CLEC2A: variants seen among roughly 807,000 people sequenced by gnomAD.
The protein encoded by CLEC2A is C-type lectin domain family 2 member A, also known as keratinocyte-associated C-type lectin.
In CLEC2A, 19 loss-of-function variants were observed where a neutral mutation model predicts 18.6. The ratio of observed to expected loss-of-function variants is 1.02; its 90% CI spans 0.71 to 1.50. The LOEUF (loss-of-function observed/expected upper bound fraction) is 1.50. Ranked by LOEUF, CLEC2A falls within the 40% of genes most tolerant of loss-of-function variation. The pLI is 0.00. For synonymous variants in CLEC2A, 74 were observed against 64.0 expected (o/e 1.16, Z -0.75); for missense variants, 190 against 207.9 (o/e 0.91, Z 0.53).
chr12:9,928,754 T>C lies in CLEC2A; in HGVS notation c.56-2411A>G, dbSNP rs552804793. On this transcript the variant is annotated intron_variant, in intron 1 of 4. Transcript: ENST00000455827. ...ATAAGCACATAAAAGATGTTCCATATTATTAGTCACAAGCAAAATGCAGAA... is the reference window on the plus strand; with the variant it reads ...ATAAGCACATAAAAGATGTTCCATACTATTAGTCACAAGCAAAATGCAGAA... 6.6e-4 allele frequency among the ~76,000 whole-genome samples: 100 copies of C among 152,306 alleles called. 1 individual carries two copies. Among genetic ancestry groups the C allele is most frequent in the African/African-American group, 2.3e-3 (94 of 41,570 alleles).
intron 4 of CLEC2A, among the ~76,000 whole-genome samples, chr12:9,915,261 A>G (rs1190766686): frequency 1.3e-5 from 2 of 152,200 alleles, no homozygotes; most frequent in Admixed American, 6.5e-5. Context: ...GTGGGAGTGT[A>G]AATTAGTTCA....
chr12:9,900,951 G>C (rs1862818173), intron 4 of CLEC2A, among the ~76,000 whole-genome samples: 1 of 152,094 alleles, frequency 6.6e-6, no homozygotes, highest in Non-Finnish European at 1.5e-5. Flanking sequence ...AACACTCACA[G>C]ATAGTTTCCA....
chr12:9,927,899 A>G (rs966463190), intron 1 of CLEC2A, among the ~76,000 whole-genome samples: 2 of 152,190 alleles, frequency 1.3e-5, no homozygotes, highest in African/African-American at 4.8e-5. Flanking sequence ...ACCACTGCAC[A>G]AATTTCAGAC....
chr12:9,885,460 C>A, the CLEC2A span, among the ~76,000 whole-genome samples: 1 of 151,724 alleles, frequency 6.6e-6, no homozygotes, highest in Non-Finnish European at 1.5e-5. Context: ...CAAAGAAATT[C>A]ATTATCTTTG....
Position 9,932,274 on chromosome 12 carries a change from C to T in CLEC2A, c.55+1G>A, listed in dbSNP as rs960941533. ...CTTCTCATTCACTCTATAAAACTTACCTATCCGATGTATGAAGCCATCAGC... is the reference window on the plus strand; with the variant it reads ...CTTCTCATTCACTCTATAAAACTTATCTATCCGATGTATGAAGCCATCAGC... On this transcript the variant is annotated splice_donor_variant, in intron 1 of 4. Coordinates refer to ENST00000455827, the MANE Select transcript of CLEC2A (RefSeq NM_001130711.2). LOFTEE classifies it high-confidence loss of function. 2 of 1,548,554 alleles carry T rather than the reference C, an allele frequency of 1.3e-6. No homozygotes were observed. The highest frequency in any genetic ancestry group is 1.7e-6 in the Non-Finnish European group (2 of 1,144,018).
chr12:9,879,561 C>G, the CLEC2A span, among the ~76,000 whole-genome samples: 1 of 152,184 alleles, frequency 6.6e-6, no homozygotes, highest in Non-Finnish European at 1.5e-5. Flanking sequence ...CTGCCTTGCC[C>G]AGGTGTATGT....
At chr12:9,917,132 C>A (rs897445026) in intron 3 of CLEC2A, among the ~76,000 whole-genome samples, 2 of 152,108 alleles carry the variant, frequency 1.3e-5, no homozygotes, top group Non-Finnish European at 2.9e-5. Flanking sequence ...TAATTTACTG[C>A]AATGAAATCT....
chr12:9,886,613 A>G, the CLEC2A span, among the ~76,000 whole-genome samples: 2 of 152,104 alleles, frequency 1.3e-5, no homozygotes, highest in African/African-American at 2.4e-5. Flanking sequence ...TACAATGCTT[A>G]TTACCAATTA....
At chr12:9,885,405 AGTG>A in the CLEC2A span, among the ~76,000 whole-genome samples, 1 of 151,796 alleles carries the variant, frequency 6.6e-6, no homozygotes, top group African/African-American at 2.4e-5. Flanking sequence ...TTCTTCCTGA[AGTG>A]GTACTTATAT....
downstream of CLEC2A, among the ~76,000 whole-genome samples, chr12:9,894,204 C>G (rs1170396278): frequency 2.2e-5 from 3 of 137,770 alleles, no homozygotes; most frequent in African/African-American, 8.2e-5. Context: ...TTTTTTTCAG[C>G]AGAGCCTTGC....
the CLEC2A span, among the ~76,000 whole-genome samples, chr12:9,889,714 G>A: frequency 6.6e-6 from 1 of 151,564 alleles, no homozygotes; most frequent in Non-Finnish European, 1.5e-5. Flanking sequence ...ATATGTAAAT[G>A]CCATTGGTTG....
At chr12:9,897,560 TA>T (rs554528887), downstream of CLEC2A, among the ~76,000 whole-genome samples, 6,640 of 130,076 alleles carry the variant, frequency 0.051, 459 homozygotes, top group African/African-American at 0.16. Context: ...ACGCTCAGTA[TA>T]AAAAAAAAAA....
intron 1 of CLEC2A, among the ~76,000 whole-genome samples, chr12:9,931,583 T>C (rs117555145): frequency 2.0e-5 from 3 of 152,334 alleles, no homozygotes; most frequent in Non-Finnish European, 4.4e-5. Context: ...TTACTTATTA[T>C]TAAAAGAATT....
At chr12:9,929,911 T>C (rs919510007) in intron 1 of CLEC2A, among the ~76,000 whole-genome samples, 4 of 152,156 alleles carry the variant, frequency 2.6e-5, no homozygotes, top group African/African-American at 9.7e-5. Flanking sequence ...TTATTTCTTC[T>C]CATTACATTT....
Position 9,922,235 on chromosome 12 carries a change from G to A in CLEC2A, c.140-3C>T. On this transcript the variant is annotated splice_region_variant and splice_polypyrimidine_tract_variant and intron_variant, in intron 2 of 4. Coordinates refer to ENST00000455827, the MANE Select transcript of CLEC2A (RefSeq NM_001130711.2). ...TTTAGCATGCTTGGACCATGTGGCT[G>A]AAAAAAAAAGAAAGAAATGATCAGA... 5.4e-6 allele frequency: 8 copies of A among 1,478,306 alleles called. No individual in the cohort carries two copies. The Admixed American group carries it at 7.4e-5, about 14-fold the overall frequency. 91.6% of individuals were successfully genotyped at this position (1,478,306 alleles called of 1,614,324 possible).
At chr12:9,878,660 C>G in the CLEC2A span, among the ~76,000 whole-genome samples, 5 of 152,068 alleles carry the variant, frequency 3.3e-5, no homozygotes, top group Non-Finnish European at 7.4e-5. Flanking sequence ...GAGAATTGGC[C>G]CAGGCATAGA....
intron 2 of CLEC2A, among the ~76,000 whole-genome samples, chr12:9,925,819 T>A (rs1211697766): frequency 6.6e-6 from 1 of 152,160 alleles, no homozygotes; most frequent in Non-Finnish European, 1.5e-5. Flanking sequence ...AAGGGACTCC[T>A]CACTGCCATG....
chr12:9,909,271 C>A (rs1257884970), downstream of CLEC2A, among the ~76,000 whole-genome samples: 1 of 152,170 alleles, frequency 6.6e-6, no homozygotes, highest in Non-Finnish European at 1.5e-5. Context: ...TCATCTCCCT[C>A]AGGTCTTGCA....
chr12:9,930,698 G>T (rs1009537798), intron 1 of CLEC2A, among the ~76,000 whole-genome samples: 16 of 151,706 alleles, frequency 1.1e-4, no homozygotes, highest in African/African-American at 3.6e-4. Context: ...TTAGAAGTTG[G>T]AATATTATTT....
Sources: gnomAD v4.1 joint callset for allele counts (sites outside exome capture counted in the v4.1 genomes callset) on GRCh38, gnomAD v4.1.1 for gene constraint, MANE v1.5 for transcripts, NCBI Gene and HGNC (gene_info 2026-07-23, HGNC 2026-07-21) for gene names.